LPIN2: variants seen among roughly 807,000 people sequenced by gnomAD.
LPIN2 encodes lipin 2, also known as phosphatidate phosphatase LPIN2.
LPIN2 carries 55 observed loss-of-function variants against 111.4 expected under a neutral mutation model. That is an observed-to-expected ratio of 0.49 (90% CI 0.40 to 0.62). LPIN2 has a LOEUF of 0.62. LPIN2 is among the 20% of genes least tolerant of loss of function. LPIN2 has a pLI of 0.00. For synonymous variants in LPIN2, 425 were observed against 414.0 expected (o/e 1.03, Z -0.32); for missense variants, 992 against 1,112.1 (o/e 0.89, Z 1.54).
At chr18:2,931,931 G>C (rs1383843611) in intron 8 of LPIN2, among the ~76,000 whole-genome samples, 1 of 152,106 alleles carries the variant, frequency 6.6e-6, no homozygotes, top group African/African-American at 2.4e-5. Context: ...TCTTTTCTAA[G>C]TTCGCCTATT....
In LPIN2 at chr18:2,991,162, G is replaced by A. The variant is rs2078259329; in HGVS notation, c.-10+21925C>T. 1.7e-5 allele frequency: 5 copies of A among 302,718 alleles called. No homozygotes were observed. In the South Asian group the frequency reaches 1.7e-4, roughly 11 times the overall value. The allele number at this position is 302,718 out of a possible 1,614,324, so 18.8% of individuals were successfully genotyped here. ...AGGAGATCACAATGCTGTGACTCTGGGTGTTTTCTTATCAGTCTGATACAG... is the reference window on the plus strand; with the variant it reads ...AGGAGATCACAATGCTGTGACTCTGAGTGTTTTCTTATCAGTCTGATACAG... On this transcript the variant is annotated intron_variant, in intron 1 of 19. Transcript: ENST00000677752.
chr18:2,937,628 G>C, intron 7 of LPIN2, 64 bp downstream of exon 7: 3 of 1,334,984 alleles, frequency 2.2e-6, no homozygotes, highest in East Asian at 4.6e-5. Context: ...ACGTTATGTG[G>C]AACACTGAAA....
chr18:2,943,427 T>TGC (rs1296529602), intron 4 of LPIN2, among the ~76,000 whole-genome samples: 2 of 109,640 alleles, frequency 1.8e-5, no homozygotes, highest in Non-Finnish European at 2.0e-5. Context: ...ATATAAAAGC[T>TGC]GCGTGTGTGT....
intron 1 of LPIN2, chr18:2,982,676 C>T (rs771914514): frequency 7.7e-7 from 1 of 1,299,606 alleles, no homozygotes; most frequent in Non-Finnish European, 1.0e-6. Flanking sequence ...ACCAAGATAC[C>T]AGGAGGGGAC....
chr18:3,000,735 C>CT (rs2078422367), intron 1 of LPIN2, among the ~76,000 whole-genome samples: 1 of 152,108 alleles, frequency 6.6e-6, no homozygotes, highest in African/African-American at 2.4e-5. Flanking sequence ...ATAGGGCCTG[C>CT]TAGCCAGGTC....
At chr18:2,972,870 C>A (rs1467493663) in intron 1 of LPIN2, among the ~76,000 whole-genome samples, 1 of 152,160 alleles carries the variant, frequency 6.6e-6, no homozygotes, top group African/African-American at 2.4e-5. Flanking sequence ...TAATTTAATT[C>A]TTGTCTGTTC....
At chr18:2,997,519 A>C (rs1179184732) in intron 1 of LPIN2, among the ~76,000 whole-genome samples, 1 of 152,236 alleles carries the variant, frequency 6.6e-6, no homozygotes, top group East Asian at 1.9e-4. Flanking sequence ...TCAGAGTACC[A>C]GGCCACTATG....
At position 2,965,025 on chromosome 18, in the gene LPIN2, C is replaced by T. The variant is rs560249996; in HGVS notation, c.-9-4176G>A. On this transcript the variant is annotated intron_variant, in intron 1 of 19. Transcript: ENST00000677752. Reference sequence around the variant, plus strand: ...TGGCTCAGATGTGGCCTGACTGCTACACAGTGTATGTAATATACAGTGTGC... The same window carrying T: ...TGGCTCAGATGTGGCCTGACTGCTATACAGTGTATGTAATATACAGTGTGC... 2.8e-3 allele frequency among the ~76,000 whole-genome samples: 424 copies of T among 152,246 alleles called. 1 individual carries two copies. The highest frequency in any genetic ancestry group is 9.5e-3 in the African/African-American group (396 of 41,554).
chr18:3,004,741 C>T (rs922334700), intron 1 of LPIN2, among the ~76,000 whole-genome samples: 10 of 152,118 alleles, frequency 6.6e-5, no homozygotes, highest in Non-Finnish European at 1.3e-4. Flanking sequence ...AGGATGAGCC[C>T]GAGAGCAATA....
intron 19 of LPIN2, 77 bp from the exon 20 acceptor site, chr18:2,920,514 GC>G (rs1448234254): frequency 2.0e-6 from 3 of 1,525,420 alleles, no homozygotes; most frequent in East Asian, 4.5e-5. Flanking sequence ...GGGCTGTGAA[GC>G]TGTCACTCAG....
intron 8 of LPIN2, among the ~76,000 whole-genome samples, chr18:2,933,508 G>C (rs1189783200): frequency 6.6e-6 from 1 of 152,130 alleles, no homozygotes; most frequent in African/African-American, 2.4e-5. Flanking sequence ...GATAAATTTA[G>C]GACAGAGCTA....
chr18:2,974,936 G>A (rs1850646630), intron 1 of LPIN2, among the ~76,000 whole-genome samples: 1 of 152,334 alleles, frequency 6.6e-6, no homozygotes, highest in African/African-American at 2.4e-5. Context: ...AGTGAAGGCT[G>A]TAGTGTGAGC....
At chr18:2,939,708 C>T in intron 5 of LPIN2, 105 bp from the exon 6 acceptor site, 2 of 1,240,056 alleles carry the variant, frequency 1.6e-6, no homozygotes, top group South Asian at 1.3e-5. Flanking sequence ...TTGACTTTAT[C>T]CTGCATATAT....
At position 2,968,939 on chromosome 18, in the gene LPIN2, C is replaced by A. The variant is rs1248930250; in HGVS notation, c.-9-8090G>T. On this transcript the variant is annotated intron_variant, in intron 1 of 19. Coordinates refer to ENST00000677752, the MANE Select transcript of LPIN2 (RefSeq NM_001375808.2). ...AATTCAGGCAAGAGACTGCACAGCT[C>A]TATGGTAGAAGAGACACACACAGGG... Among the ~76,000 whole-genome samples the A allele has an allele frequency of 5.3e-5, 8 of 152,290 alleles. No individual in the cohort carries two copies. The East Asian group carries it at 1.5e-3, about 29-fold the overall frequency.
intron 4 of LPIN2, among the ~76,000 whole-genome samples, chr18:2,949,472 T>C (rs2077501449): frequency 6.6e-6 from 1 of 152,200 alleles, no homozygotes; most frequent in African/African-American, 2.4e-5. Context: ...TTTCCATCTT[T>C]TGTTGTTTAG....
At chr18:2,999,718 G>A (rs988272053) in intron 1 of LPIN2, among the ~76,000 whole-genome samples, 4 of 152,110 alleles carry the variant, frequency 2.6e-5, no homozygotes, top group South Asian at 4.1e-4. Flanking sequence ...GCCAAGGAAC[G>A]CCAAAGGCTG....
At chr18:2,939,670 C>T (rs1250874969) in intron 5 of LPIN2, 67 bp from the exon 6 acceptor site, 2 of 1,577,080 alleles carry the variant, frequency 1.3e-6, no homozygotes, top group African/African-American at 2.7e-5. Flanking sequence ...CTGAGCCTGA[C>T]AGATTAAAAG....
intron 9 of LPIN2, among the ~76,000 whole-genome samples, chr18:2,930,266 G>A (rs149428537): frequency 3.1e-3 from 475 of 152,224 alleles, no homozygotes; most frequent in Non-Finnish European, 4.6e-3. Context: ...TTTGTATTTC[G>A]CATTCCCTCG....
intron 1 of LPIN2, among the ~76,000 whole-genome samples, chr18:2,981,681 G>A (rs575392838): frequency 7.9e-5 from 12 of 152,230 alleles, no homozygotes; most frequent in Admixed American, 3.3e-4. Flanking sequence ...TGCCTCCCCC[G>A]TGGTAGCACC....
Sources: allele counts gnomAD v4.1 joint callset (sites outside exome capture counted in the v4.1 genomes callset), GRCh38; gene constraint gnomAD v4.1.1; transcripts MANE v1.5; gene names NCBI Gene and HGNC (gene_info 2026-07-23, HGNC 2026-07-21).